The following SPIDR variants were observed in gnomAD, a reference collection of about 807,000 sequenced individuals.
SPIDR encodes DNA repair-scaffolding protein.
A neutral mutation model predicts 104.6 loss-of-function variants in SPIDR; 93 were observed. The observed-to-expected ratio is 0.89, with a 90% CI of 0.75 to 1.06. SPIDR has a LOEUF of 1.06. SPIDR is among the 50% of genes least tolerant of loss of function. The probability of loss-of-function intolerance (pLI) is 0.00; values close to 1 mark genes in which losing one functional copy is unlikely to be tolerated. For synonymous variants in SPIDR, 431 were observed against 416.9 expected, an observed-to-expected ratio of 1.03 and a Z score of -0.41; for missense variants, 1,154 against 1,111.2, an observed-to-expected ratio of 1.04 and a Z score of -0.55.
chr8:47,547,589 C>T (rs950948072), intron 8 of SPIDR, among the ~76,000 whole-genome samples: 19 of 151,288 alleles, frequency 1.3e-4, no homozygotes, highest in Admixed American at 1.2e-3. Context: ...CCCACCACCA[C>T]GCCCAGCTAA....
intron 6 of SPIDR, 137 bp from the exon 7 acceptor site, chr8:47,407,724 T>C (rs2062950767): frequency 2.3e-6 from 1 of 438,848 alleles, no homozygotes; most frequent in South Asian, 6.1e-5. Context: ...GGGAAGATAA[T>C]GTGGTAACAA....
At chr8:47,288,549 C>T (rs960402676) in intron 3 of SPIDR, among the ~76,000 whole-genome samples, 3 of 152,156 alleles carry the variant, frequency 2.0e-5, no homozygotes, top group South Asian at 2.1e-4. Context: ...CTCCCGAAGT[C>T]TAGGATTACA....
chr8:47,580,737 T>C (rs2059624504), intron 8 of SPIDR, among the ~76,000 whole-genome samples: 2 of 151,762 alleles, frequency 1.3e-5, no homozygotes, highest in Admixed American at 6.6e-5. Context: ...AGGTCTGGTT[T>C]ATCTGTTTCA....
chr8:47,421,981 G>T (rs1055138530), intron 7 of SPIDR, among the ~76,000 whole-genome samples: 1 of 152,204 alleles, frequency 6.6e-6, no homozygotes, highest in South Asian at 2.1e-4. Flanking sequence ...TTTTGTCTCA[G>T]AGGAGTACCT....
At chr8:47,454,199 T>G (rs753764935) in intron 8 of SPIDR, among the ~76,000 whole-genome samples, 12 of 152,164 alleles carry the variant, frequency 7.9e-5, no homozygotes. Context: ...GTGGCACTAT[T>G]CACAATAGCA....
chr8:47,466,732 T>C (rs2074847747), intron 8 of SPIDR, among the ~76,000 whole-genome samples: 1 of 150,824 alleles, frequency 6.6e-6, no homozygotes. Context: ...AGATTCCAAT[T>C]TAACAACCTG....
intron 5 of SPIDR, among the ~76,000 whole-genome samples, chr8:47,306,198 G>A (rs1330349164): frequency 5.3e-5 from 8 of 152,012 alleles, no homozygotes; most frequent in Admixed American, 5.2e-4. Context: ...CTGGAGTGCA[G>A]TGGTGCGATC....
chr8:47,664,378 C>G (rs2154464963), intron 10 of SPIDR, among the ~76,000 whole-genome samples: 1 of 152,220 alleles, frequency 6.6e-6, no homozygotes, highest in Non-Finnish European at 1.5e-5. Flanking sequence ...CAAAAGATTT[C>G]AAACCAGCCA....
chr8:47,707,989 A>G (rs576884836), intron 14 of SPIDR, among the ~76,000 whole-genome samples: 5 of 152,198 alleles, frequency 3.3e-5, no homozygotes, highest in Non-Finnish European at 7.3e-5. Flanking sequence ...ATAGGTGTCT[A>G]TATCATCTAT....
At chr8:47,586,863 G>A (rs997891739) in intron 8 of SPIDR, among the ~76,000 whole-genome samples, 1 of 152,136 alleles carries the variant, frequency 6.6e-6, no homozygotes, top group East Asian at 1.9e-4. Context: ...CCGCCTCCTG[G>A]GTTCAAACAG....
intron 5 of SPIDR, among the ~76,000 whole-genome samples, chr8:47,346,746 G>A (rs546588300): frequency 9.2e-5 from 14 of 152,254 alleles, no homozygotes; most frequent in African/African-American, 2.4e-4. Context: ...GTTTATTTGC[G>A]TAGAGGTGTT....
In SPIDR at chr8:47,322,392, C is replaced by T. The variant is rs543812541; in HGVS notation, c.525+28362C>T. On this transcript the variant is annotated intron_variant, in intron 5 of 19. Coordinates refer to ENST00000297423, the MANE Select transcript of SPIDR (RefSeq NM_001080394.4). Reference sequence around the variant, plus strand: ...GCAAATCGAAACCACAATGAGATACCATCTCACACCAGTTAGAATGGCAGT... The same window carrying T: ...GCAAATCGAAACCACAATGAGATACTATCTCACACCAGTTAGAATGGCAGT... 2.3e-3 allele frequency among the ~76,000 whole-genome samples: 356 copies of T among 152,274 alleles called. 1 individual carries two copies. Among genetic ancestry groups the T allele is most frequent in the African/African-American group, 8.3e-3 (346 of 41,560 alleles).
intron 14 of SPIDR, among the ~76,000 whole-genome samples, chr8:47,702,706 A>G (rs1189036070): frequency 1.3e-5 from 2 of 152,206 alleles, no homozygotes; most frequent in African/African-American, 2.4e-5. Flanking sequence ...GGGATTGAGA[A>G]CATCCTGTTT....
intron 5 of SPIDR, among the ~76,000 whole-genome samples, chr8:47,327,526 G>T (rs1264045128): frequency 6.6e-6 from 1 of 151,482 alleles, no homozygotes; most frequent in Non-Finnish European, 1.5e-5. Flanking sequence ...TCAGCCTCTC[G>T]AGTAGCTGGG....
At chr8:47,379,146 G>A (rs782425840) in intron 5 of SPIDR, among the ~76,000 whole-genome samples, 3 of 152,100 alleles carry the variant, frequency 2.0e-5, no homozygotes, top group African/African-American at 7.3e-5. Flanking sequence ...AGGGAAGGAA[G>A]CCCAGCCGGG....
At chr8:47,599,351 T>C (rs1168553884) in intron 10 of SPIDR, among the ~76,000 whole-genome samples, 155 bp downstream of exon 10, 2 of 152,230 alleles carry the variant, frequency 1.3e-5, no homozygotes, top group African/African-American at 4.8e-5. Context: ...TTGGGATACA[T>C]GGCATGATGA....
chr8:47,527,976 A>T (rs2085297852), intron 8 of SPIDR: 1 of 152,156 alleles, frequency 6.6e-6, no homozygotes, highest in Non-Finnish European at 1.5e-5. Context: ...TGGGGAAAAT[A>T]CTGGTTCTGT....
intron 8 of SPIDR, among the ~76,000 whole-genome samples, chr8:47,498,101 G>A (rs1428273374): frequency 1.3e-5 from 2 of 152,158 alleles, no homozygotes; most frequent in African/African-American, 4.8e-5. Flanking sequence ...AGAATTAACT[G>A]TAACTTTCAA....
chr8:47,486,758 T>A, intron 8 of SPIDR, among the ~76,000 whole-genome samples: 1 of 152,128 alleles, frequency 6.6e-6, no homozygotes, highest in Non-Finnish European at 1.5e-5. Flanking sequence ...CTACGCTTCA[T>A]AAGTGAAGGA....
Sources: gnomAD v4.1 joint callset for allele counts (sites outside exome capture counted in the v4.1 genomes callset) on GRCh38, gnomAD v4.1.1 for gene constraint, MANE v1.5 for transcripts, NCBI Gene and HGNC (gene_info 2026-07-23, HGNC 2026-07-21) for gene names.